The following PBX1 variants were observed in gnomAD, a reference collection of about 807,000 sequenced individuals.
The protein encoded by PBX1 is pre-B-cell leukemia transcription factor 1.
PBX1 carries 6 observed loss-of-function variants against 53.4 expected under a neutral mutation model. That is an observed-to-expected ratio of 0.11 (90% CI 0.06 to 0.22). The LOEUF (loss-of-function observed/expected upper bound fraction) is 0.22. Ranked by LOEUF, PBX1 falls within the 10% of genes least tolerant of loss-of-function variation. The pLI is 1.00. For missense variants in PBX1, 251 were observed against 551.4 expected (o/e 0.46, Z 5.46); for synonymous variants, 204 against 212.3 (o/e 0.96, Z 0.34).
At chr1:164,576,307 G>A (rs1260696229) in intron 2 of PBX1, among the ~76,000 whole-genome samples, 1 of 152,174 alleles carries the variant, frequency 6.6e-6, no homozygotes, top group Non-Finnish European at 1.5e-5. Context: ...GGGTGGCCGC[G>A]AACCCCCTCG....
At chr1:164,653,962 A>T (rs1385379587) in intron 2 of PBX1, among the ~76,000 whole-genome samples, 3 of 152,102 alleles carry the variant, frequency 2.0e-5, no homozygotes, top group African/African-American at 7.2e-5. Context: ...TTTCTGTGTT[A>T]GTTATTTGAT....
chr1:164,746,018 A>G (rs1283417741), intron 2 of PBX1, among the ~76,000 whole-genome samples: 1 of 152,242 alleles, frequency 6.6e-6, no homozygotes, highest in East Asian at 1.9e-4. Context: ...GGCATCACCT[A>G]GAGAGGCATA....
chr1:164,621,279 G>A lies in PBX1; in HGVS notation c.265+57968G>A, dbSNP rs942835177. Among the ~76,000 whole-genome samples, 7 of 152,210 alleles carry A rather than the reference G, an allele frequency of 4.6e-5. No individual in the cohort carries two copies. The South Asian group carries it at 8.3e-4, about 18-fold the overall frequency. On this transcript the variant is annotated intron_variant, in intron 2 of 8. Coordinates refer to ENST00000420696, the MANE Select transcript of PBX1 (RefSeq NM_002585.4). ...TGGAATTACAGGCATGAGCCACCGC[G>A]CCCTTCCTCCCCTATTTTCTTAACA...
At chr1:164,676,984 T>C (rs892773246) in intron 2 of PBX1, among the ~76,000 whole-genome samples, 17 of 152,258 alleles carry the variant, frequency 1.1e-4, no homozygotes, top group East Asian at 7.7e-4. Context: ...CCTTTTTTTT[T>C]CCCAACTGGA....
chr1:164,760,553 T>C (rs1365594893), intron 2 of PBX1, among the ~76,000 whole-genome samples: 1 of 152,116 alleles, frequency 6.6e-6, no homozygotes, highest in African/African-American at 2.4e-5. Flanking sequence ...GGTTAACTCC[T>C]GCCCCCCAAA....
intron 2 of PBX1, among the ~76,000 whole-genome samples, chr1:164,730,869 C>G (rs903851400): frequency 6.6e-6 from 1 of 152,160 alleles, no homozygotes; most frequent in African/African-American, 2.4e-5. Flanking sequence ...TTGCCATCAC[C>G]CATCTGTAGA....
chr1:164,779,377 C>G (rs983262406), intron 2 of PBX1, among the ~76,000 whole-genome samples: 11 of 152,086 alleles, frequency 7.2e-5, no homozygotes, highest in Admixed American at 7.2e-4. Flanking sequence ...GACCGAGAGA[C>G]CAACTGGGGT....
rs530447923 is a variant in PBX1, at chr1:164,885,086, A to G, written n.258-14102A>G. ...AATCCCCACCAAATCCCTGGCAGGC[A>G]TTTCTATCCTTGTTCTGTGGATGAT... On this transcript the variant is annotated intron_variant and non_coding_transcript_variant, in intron 2 of 2. Transcript: ENST00000558796. 6.6e-5 allele frequency among the ~76,000 whole-genome samples: 10 copies of G among 152,266 alleles called. No homozygotes were observed. The South Asian group carries it at 1.0e-3, about 16-fold the overall frequency.
intron 2 of PBX1, among the ~76,000 whole-genome samples, chr1:164,880,576 A>C (rs1247033246): frequency 6.6e-6 from 1 of 152,120 alleles, no homozygotes; most frequent in Non-Finnish European, 1.5e-5. Context: ...TTGCCTTTGC[A>C]ATTTCTTGGT....
At chr1:164,583,378 T>A (rs189911515) in intron 2 of PBX1, among the ~76,000 whole-genome samples, 1 of 152,286 alleles carries the variant, frequency 6.6e-6, no homozygotes, top group Non-Finnish European at 1.5e-5. Context: ...CATTCTTTTT[T>A]AGGGAAGAGG....
At chr1:164,797,461 G>A (rs1460708256) in intron 3 of PBX1, among the ~76,000 whole-genome samples, 1 of 152,108 alleles carries the variant, frequency 6.6e-6, no homozygotes, top group African/African-American at 2.4e-5. Context: ...CCTTCTCTTG[G>A]TTGTACAGTT....
intron 2 of PBX1, among the ~76,000 whole-genome samples, chr1:164,879,238 C>T (rs941064919): frequency 2.6e-5 from 4 of 152,036 alleles, no homozygotes; most frequent in African/African-American, 9.7e-5. Context: ...ATTTATTTGC[C>T]TGATTGGCAC....
chr1:164,581,255 T>G, intron 2 of PBX1, among the ~76,000 whole-genome samples: 2 of 145,274 alleles, frequency 1.4e-5, no homozygotes, highest in African/African-American at 2.6e-5. Flanking sequence ...TGAGATGGAG[T>G]CTCACTCTGT....
chr1:164,884,812 C>T (rs537398737), intron 2 of PBX1, among the ~76,000 whole-genome samples: 1 of 152,322 alleles, frequency 6.6e-6, no homozygotes, highest in East Asian at 1.9e-4. Flanking sequence ...TTCGCCCCCA[C>T]TAATCCAGCA....
chr1:164,626,479 A>G (rs967581764), intron 2 of PBX1, among the ~76,000 whole-genome samples: 1 of 152,214 alleles, frequency 6.6e-6, no homozygotes, highest in African/African-American at 2.4e-5. Flanking sequence ...TGTTCAAGAC[A>G]GACACATACT....
At chr1:164,655,644 G>T (rs1660124306) in intron 2 of PBX1, among the ~76,000 whole-genome samples, 1 of 152,168 alleles carries the variant, frequency 6.6e-6, no homozygotes, top group Non-Finnish European at 1.5e-5. Flanking sequence ...TCTTGTGATT[G>T]ACTTACTGTT....
intron 2 of PBX1, among the ~76,000 whole-genome samples, chr1:164,728,084 G>A (rs990454738): frequency 2.1e-4 from 32 of 152,272 alleles, no homozygotes; most frequent in Admixed American, 8.5e-4. Flanking sequence ...TATCACTTTG[G>A]GAGGCCAGAG....
chr1:164,623,563 T>A (rs1657834048), intron 2 of PBX1, among the ~76,000 whole-genome samples: 1 of 152,216 alleles, frequency 6.6e-6, no homozygotes, highest in African/African-American at 2.4e-5. Context: ...ACTGCCAAAG[T>A]CGTGCTTACT....
chr1:164,625,499 A>G lies in PBX1; in HGVS notation c.265+62188A>G, dbSNP rs971652038. 8.5e-5 allele frequency among the ~76,000 whole-genome samples: 13 copies of G among 152,236 alleles called. 1 individual carries two copies. The highest frequency in any genetic ancestry group is 3.9e-4 in the Admixed American group (6 of 15,276). Reference sequence around the variant, plus strand: ...AGGAAGCCCTGAAGGAAGATTGTGTATGAACCCAGGATTCTGTTATTACGT... The same window carrying G: ...AGGAAGCCCTGAAGGAAGATTGTGTGTGAACCCAGGATTCTGTTATTACGT... On this transcript the variant is annotated intron_variant, in intron 2 of 8. Coordinates refer to ENST00000420696, the MANE Select transcript of PBX1 (RefSeq NM_002585.4).
Sources: allele counts gnomAD v4.1 joint callset (sites outside exome capture counted in the v4.1 genomes callset), GRCh38; gene constraint gnomAD v4.1.1; transcripts MANE v1.5; gene names NCBI Gene and HGNC (gene_info 2026-07-23, HGNC 2026-07-21).